The following ZDHHC21 variants were observed in gnomAD, a reference collection of about 807,000 sequenced individuals.
ZDHHC21 encodes zDHHC palmitoyltransferase 21, also known as palmitoyltransferase ZDHHC21.
A neutral mutation model predicts 34.6 loss-of-function variants in ZDHHC21; 15 were observed. The ratio of observed to expected loss-of-function variants is 0.43; its 90% CI spans 0.29 to 0.67. ZDHHC21 has a LOEUF of 0.67. Ranked by LOEUF, ZDHHC21 falls within the 30% of genes least tolerant of loss-of-function variation. The pLI is 0.14. For synonymous variants in ZDHHC21, 142 were observed against 101.8 expected (o/e 1.40, Z -2.38); for missense variants, 344 against 327.7 (o/e 1.05, Z -0.38).
chr9:14,627,442 A>T (rs1262804879), intron 8 of ZDHHC21, among the ~76,000 whole-genome samples: 2 of 152,188 alleles, frequency 1.3e-5, no homozygotes, highest in Non-Finnish European at 2.9e-5. Flanking sequence ...ATTCAAATAG[A>T]ATCCAACAAT....
At chr9:14,596,795 C>T in the ZDHHC21 span, among the ~76,000 whole-genome samples, 1 of 152,230 alleles carries the variant, frequency 6.6e-6, no homozygotes, top group African/African-American at 2.4e-5. Context: ...GCTAGAGGTA[C>T]GTGGCACTTG....
chr9:14,601,828 G>C, the ZDHHC21 span, among the ~76,000 whole-genome samples: 111 of 152,282 alleles, frequency 7.3e-4, 1 homozygote, highest in African/African-American at 2.6e-3. Context: ...TAAAACGGAT[G>C]AGTTCATGTC....
chr9:14,608,387 C>T (rs116811861), downstream of ZDHHC21, among the ~76,000 whole-genome samples: 2,453 of 152,204 alleles, frequency 0.016, 71 homozygotes, highest in African/African-American at 0.056. Context: ...AACCATGCTA[C>T]AATTAAACTT....
At chr9:14,622,650 T>C in intron 8 of ZDHHC21, 1 of 985,142 alleles carries the variant, frequency 1.0e-6, no homozygotes, top group Non-Finnish European at 1.2e-6. Context: ...ACATATGTTG[T>C]CATACAGGAG....
At chr9:14,609,157 C>G (rs1029321640), downstream of ZDHHC21, among the ~76,000 whole-genome samples, 1 of 130,314 alleles carries the variant, frequency 7.7e-6, no homozygotes, top group African/African-American at 3.1e-5. Flanking sequence ...GCCATTTTCA[C>G]TTAATACTGA....
At chr9:14,656,474 T>C (rs542091202) in intron 7 of ZDHHC21, among the ~76,000 whole-genome samples, 5 of 151,940 alleles carry the variant, frequency 3.3e-5, no homozygotes, top group African/African-American at 7.2e-5. Flanking sequence ...AACTAAAACA[T>C]TGAGATAATA....
At chr9:14,632,999 C>T (rs896842193) in intron 8 of ZDHHC21, among the ~76,000 whole-genome samples, 3 of 152,142 alleles carry the variant, frequency 2.0e-5, no homozygotes, top group Non-Finnish European at 2.9e-5. Flanking sequence ...TTTAGAAAAA[C>T]AGTGGCAGTT....
At chr9:14,669,450 C>T (rs1423301425) in intron 5 of ZDHHC21, among the ~76,000 whole-genome samples, 1 of 148,920 alleles carries the variant, frequency 6.7e-6, no homozygotes, top group African/African-American at 2.5e-5. Flanking sequence ...TGTGGCGATT[C>T]CTCAGGGATC....
At chr9:14,633,615 C>A (rs1353654366) in intron 8 of ZDHHC21, among the ~76,000 whole-genome samples, 1 of 152,144 alleles carries the variant, frequency 6.6e-6, no homozygotes, top group Non-Finnish European at 1.5e-5. Context: ...ATTTCTGGAG[C>A]CCCACTGATA....
chr9:14,662,436 G>C (rs1587266823), intron 5 of ZDHHC21, 110 bp from the exon 6 acceptor site: 1 of 743,904 alleles, frequency 1.3e-6, no homozygotes. Context: ...AAAACTCTAA[G>C]AGATTTTTCT....
At chr9:14,660,303 T>C (rs1332995050) in intron 6 of ZDHHC21, among the ~76,000 whole-genome samples, 1 of 141,272 alleles carries the variant, frequency 7.1e-6, no homozygotes, top group Non-Finnish European at 1.5e-5. Context: ...GAGGCAGAGG[T>C]TGCAGTGAGG....
At chr9:14,626,470 A>G (rs1340348383) in intron 8 of ZDHHC21, among the ~76,000 whole-genome samples, 1 of 151,946 alleles carries the variant, frequency 6.6e-6, no homozygotes, top group Non-Finnish European at 1.5e-5. Flanking sequence ...AAGGACATAT[A>G]AATAAATTAT....
intron 8 of ZDHHC21, among the ~76,000 whole-genome samples, chr9:14,621,858 G>C (rs376975722): frequency 2.6e-5 from 4 of 151,892 alleles, no homozygotes; most frequent in African/African-American, 7.3e-5. Context: ...GTCAAATTAA[G>C]TTAAATATAC....
the ZDHHC21 span, among the ~76,000 whole-genome samples, chr9:14,592,351 T>C: frequency 1.3e-5 from 2 of 152,038 alleles, no homozygotes; most frequent in East Asian, 3.8e-4. Flanking sequence ...TCTTTCTCTT[T>C]TAAAATATAT....
At chr9:14,602,713 C>T in the ZDHHC21 span, among the ~76,000 whole-genome samples, 1 of 152,084 alleles carries the variant, frequency 6.6e-6, no homozygotes, top group East Asian at 1.9e-4. Flanking sequence ...AAGAAACATA[C>T]TCACAACATG....
chr9:14,693,375 C>T lies in ZDHHC21; in HGVS notation c.-371G>A. ...CCTTCCGCTTCCGGGAGCCTGAGGGCCTGGACCGGCCGAGTGGGTGTCCGC... is the reference window on the plus strand; with the variant it reads ...CCTTCCGCTTCCGGGAGCCTGAGGGTCTGGACCGGCCGAGTGGGTGTCCGC... On this transcript the variant is annotated 5_prime_UTR_variant, in exon 1 of 10. Coordinates refer to ENST00000380916, the MANE Select transcript of ZDHHC21 (RefSeq NM_178566.6). 1 of 365,796 alleles carries T rather than the reference C, an allele frequency of 2.7e-6. No individual in the cohort carries two copies. Among genetic ancestry groups the T allele is most frequent in the Non-Finnish European group, 5.3e-6 (1 of 188,384 alleles). 22.7% of individuals were successfully genotyped at this position (365,796 alleles called of 1,614,324 possible). A position where few individuals can be genotyped will look rare whatever the true frequency, so the allele number is the denominator to read the frequency against.
chr9:14,623,941 T>C (rs1381214113), intron 8 of ZDHHC21, among the ~76,000 whole-genome samples: 2 of 152,054 alleles, frequency 1.3e-5, no homozygotes, highest in African/African-American at 4.8e-5. Context: ...GCAGTCATTA[T>C]AAAAAACAGT....
chr9:14,662,924 C>T (rs1287250268), intron 5 of ZDHHC21, among the ~76,000 whole-genome samples: 1 of 152,080 alleles, frequency 6.6e-6, no homozygotes, highest in South Asian at 2.1e-4. Context: ...TGGGAGGTAT[C>T]AGAATAGTTT....
the ZDHHC21 span, among the ~76,000 whole-genome samples, chr9:14,604,720 GATCA>G: frequency 3.9e-5 from 6 of 152,120 alleles, no homozygotes; most frequent in East Asian, 1.2e-3. Flanking sequence ...AAGCACATGA[GATCA>G]ATCCTCTTAG....
Sources: allele counts gnomAD v4.1 joint callset (sites outside exome capture counted in the v4.1 genomes callset), GRCh38; gene constraint gnomAD v4.1.1; transcripts MANE v1.5; gene names NCBI Gene and HGNC (gene_info 2026-07-23, HGNC 2026-07-21).